CRB1: variants seen among roughly 807,000 people sequenced by gnomAD.
CRB1 encodes the protein protein crumbs homolog 1.
Under a neutral mutation model 120.0 loss-of-function variants are expected in CRB1, and 83 were observed. The ratio of observed to expected loss-of-function variants is 0.69; its 90% CI spans 0.58 to 0.83. The LOEUF (loss-of-function observed/expected upper bound fraction) is 0.83. CRB1 is among the 40% of genes least tolerant of loss of function. The pLI is 0.00. For synonymous variants in CRB1, 625 were observed against 612.5 expected (o/e 1.02, Z -0.30); for missense variants, 1,699 against 1,687.6 (o/e 1.01, Z -0.12).
At chr1:197,338,811 CAA>C in intron 2 of CRB1, among the ~76,000 whole-genome samples, 1 of 152,072 alleles carries the variant, frequency 6.6e-6, no homozygotes, top group African/African-American at 2.4e-5. Flanking sequence ...TTTATAAAGA[CAA>C]ATTTTCTGTA....
intron 1 of CRB1, among the ~76,000 whole-genome samples, chr1:197,280,383 A>C (rs1399370862): frequency 1.3e-5 from 2 of 151,910 alleles, no homozygotes; most frequent in Middle Eastern, 3.2e-3. Flanking sequence ...TCAAACCATA[A>C]GAAATACAGG....
Position 197,322,045 on chromosome 1 carries a change from T to C in CRB1, c.71-6377T>C, listed in dbSNP as rs182567428. 1.3e-4 allele frequency among the ~76,000 whole-genome samples: 20 copies of C among 152,238 alleles called. No homozygotes were observed. In the East Asian group the frequency reaches 3.9e-3, roughly 29 times the overall value. ...AAAAATGCGAGAAAACTGTTGAGAG[T>C]TGCACTATCCAACACAGTAGCCATT... is the stretch of plus-strand genomic sequence containing the variant. On this transcript the variant is annotated intron_variant, in intron 1 of 11. Coordinates refer to ENST00000367400, the MANE Select transcript of CRB1 (RefSeq NM_201253.3).
At chr1:197,438,519 G>A (rs1253562642) in intron 9 of CRB1, 28 bp from the exon 10 acceptor site, 1 of 1,610,626 alleles carries the variant, frequency 6.2e-7, no homozygotes, top group Non-Finnish European at 8.5e-7. Context: ...AAGATGAACA[G>A]CTGTGGCTCT....
the CRB1 span, among the ~76,000 whole-genome samples, chr1:197,243,095 T>C: frequency 2.6e-5 from 4 of 152,104 alleles, no homozygotes; most frequent in Non-Finnish European, 5.9e-5. Context: ...TAGTGGTCTA[T>C]CTATTTTGTT....
the CRB1 span, among the ~76,000 whole-genome samples, chr1:197,201,940 AAAAGT>A: frequency 1.8e-4 from 27 of 152,356 alleles, no homozygotes; most frequent in Non-Finnish European, 3.8e-4. Flanking sequence ...AGCCGAAACA[AAAAGT>A]AAAGAAAAAT....
At chr1:197,245,096 A>T in the CRB1 span, among the ~76,000 whole-genome samples, 1 of 151,922 alleles carries the variant, frequency 6.6e-6, no homozygotes, top group Non-Finnish European at 1.5e-5. Flanking sequence ...GTTTTAGGGT[A>T]CATGTGCACA....
intron 11 of CRB1, among the ~76,000 whole-genome samples, chr1:197,462,213 T>C (rs907725036): frequency 6.6e-6 from 1 of 152,126 alleles, no homozygotes; most frequent in African/African-American, 2.4e-5. Flanking sequence ...ATGAAAAAAC[T>C]TAGGAGCATT....
intron 1 of CRB1, among the ~76,000 whole-genome samples, chr1:197,327,933 A>T (rs1658614564): frequency 6.6e-6 from 1 of 152,318 alleles, no homozygotes; most frequent in East Asian, 1.9e-4. Context: ...AAGAGGGAAA[A>T]CAAAAAGTCT....
intron 2 of CRB1, among the ~76,000 whole-genome samples, chr1:197,337,458 C>T (rs1156240215): frequency 1.3e-5 from 2 of 152,162 alleles, no homozygotes; most frequent in Non-Finnish European, 2.9e-5. Flanking sequence ...CAATTATGAA[C>T]TTCCATTTCC....
intron 7 of CRB1, 139 bp downstream of exon 7, chr1:197,428,140 A>G: frequency 2.5e-6 from 2 of 789,718 alleles, no homozygotes. Context: ...TTTCATCTAT[A>G]TTGTTCCAAC....
intron 1 of CRB1, among the ~76,000 whole-genome samples, chr1:197,327,043 C>T (rs934420954): frequency 1.4e-5 from 2 of 141,870 alleles, no homozygotes; most frequent in Non-Finnish European, 3.0e-5. Context: ...CAAACACTTA[C>T]GATGTGTCTG....
intron 5 of CRB1, among the ~76,000 whole-genome samples, chr1:197,420,476 C>T (rs1049713792): frequency 1.3e-5 from 2 of 152,044 alleles, no homozygotes; most frequent in African/African-American, 4.8e-5. Context: ...CTTAGAAGTC[C>T]TTCATGGTGA....
intron 11 of CRB1, among the ~76,000 whole-genome samples, chr1:197,461,532 G>T (rs536628555): frequency 1.3e-5 from 2 of 152,184 alleles, no homozygotes; most frequent in African/African-American, 4.8e-5. Context: ...TGTGACAGAA[G>T]AGTAGGCTGC....
At chr1:197,402,414 T>C (rs1368633476) in intron 5 of CRB1, among the ~76,000 whole-genome samples, 5 of 152,232 alleles carry the variant, frequency 3.3e-5, no homozygotes, top group Non-Finnish European at 5.9e-5. Flanking sequence ...CTGCATAGTA[T>C]TCCATGGTGT....
At chr1:197,215,361 T>C in the CRB1 span, among the ~76,000 whole-genome samples, 1 of 145,532 alleles carries the variant, frequency 6.9e-6, no homozygotes, top group Non-Finnish European at 1.5e-5. Context: ...CACCACAACC[T>C]CCACCTCCTG....
chr1:197,216,434 A>G, the CRB1 span, among the ~76,000 whole-genome samples: 7 of 152,242 alleles, frequency 4.6e-5, no homozygotes, highest in Admixed American at 4.6e-4. Flanking sequence ...TAAATAAACT[A>G]GCTGGAAATC....
chr1:197,260,886 A>G, the CRB1 span, among the ~76,000 whole-genome samples: 6 of 152,102 alleles, frequency 3.9e-5, no homozygotes, highest in East Asian at 7.7e-4. Flanking sequence ...TAGTAGAGAT[A>G]GGGTTTCACC....
intron 5 of CRB1, among the ~76,000 whole-genome samples, chr1:197,365,036 G>A (rs1191582968): frequency 2.6e-5 from 4 of 152,102 alleles, no homozygotes; most frequent in African/African-American, 7.2e-5. Flanking sequence ...CACCTTTTTA[G>A]GTTTTAAGAA....
chr1:197,254,384 A>G, the CRB1 span, among the ~76,000 whole-genome samples: 1 of 152,114 alleles, frequency 6.6e-6, no homozygotes, highest in Admixed American at 6.6e-5. Context: ...TCAGTCCACA[A>G]AGTGTTTTTG....
Sources: allele counts gnomAD v4.1 joint callset (sites outside exome capture counted in the v4.1 genomes callset), GRCh38; gene constraint gnomAD v4.1.1; transcripts MANE v1.5; gene names NCBI Gene and HGNC (gene_info 2026-07-23, HGNC 2026-07-21).